The following MRPL48 variants were observed in gnomAD, a reference collection of about 807,000 sequenced individuals.
The protein encoded by MRPL48 is large ribosomal subunit protein mL48.
Under a neutral mutation model 32.9 loss-of-function variants are expected in MRPL48, and 16 were observed. The observed-to-expected ratio is 0.49, with a 90% CI of 0.33 to 0.74. MRPL48 has a LOEUF of 0.74. Ranked by LOEUF, MRPL48 falls within the 30% of genes least tolerant of loss-of-function variation. The probability of loss-of-function intolerance (pLI) is 0.02; values close to 1 mark genes in which losing one functional copy is unlikely to be tolerated. For synonymous variants in MRPL48, 94 were observed against 89.2 expected, an observed-to-expected ratio of 1.05 and a Z score of -0.31; for missense variants, 206 against 245.3, an observed-to-expected ratio of 0.84 and a Z score of 1.07.
intron 2 of MRPL48, among the ~76,000 whole-genome samples, 195 bp from the exon 3 acceptor site, chr11:73,808,118 T>G (rs1245391440): frequency 4.6e-5 from 7 of 152,192 alleles, no homozygotes; most frequent in Non-Finnish European, 1.0e-4. Context: ...GACATCTTAC[T>G]TATATTTGCA....
intron 7 of MRPL48, among the ~76,000 whole-genome samples, chr11:73,863,902 C>T (rs1948626023): frequency 6.6e-6 from 1 of 152,136 alleles, no homozygotes; most frequent in Admixed American, 6.6e-5. Context: ...GGGTTTCATA[C>T]AGATCTGGGG....
At chr11:73,818,317 G>A (rs1404839114) in intron 3 of MRPL48, among the ~76,000 whole-genome samples, 2 of 152,068 alleles carry the variant, frequency 1.3e-5, no homozygotes, top group Non-Finnish European at 2.9e-5. Flanking sequence ...ACAGATAGAA[G>A]TAAATATATA....
chr11:73,823,682 G>C (rs1209542999), intron 3 of MRPL48, among the ~76,000 whole-genome samples: 5 of 91,940 alleles, frequency 5.4e-5, no homozygotes, highest in African/African-American at 2.5e-4. Flanking sequence ...TTTTAATTTA[G>C]AGACAGGATC....
chr11:73,821,310 A>G (rs1307129076), intron 3 of MRPL48, among the ~76,000 whole-genome samples: 1 of 152,100 alleles, frequency 6.6e-6, no homozygotes, highest in African/African-American at 2.4e-5. Context: ...TTGTAATCTT[A>G]TATTTACTTT....
chr11:73,833,077 C>T (rs1053705804), intron 4 of MRPL48, among the ~76,000 whole-genome samples: 11 of 152,020 alleles, frequency 7.2e-5, no homozygotes, highest in African/African-American at 2.7e-4. Context: ...ATTTTAAAAA[C>T]AAAAAAGAAG....
intron 4 of MRPL48, among the ~76,000 whole-genome samples, chr11:73,835,570 G>A (rs1948085557): frequency 6.6e-6 from 1 of 152,102 alleles, no homozygotes; most frequent in African/African-American, 2.4e-5. Context: ...TAACAGTAAT[G>A]TCCTATCTAT....
chr11:73,846,572 C>A (rs550233704), intron 5 of MRPL48, among the ~76,000 whole-genome samples: 1 of 152,218 alleles, frequency 6.6e-6, no homozygotes, highest in East Asian at 1.9e-4. Context: ...GTTGGCCAGG[C>A]TGGTCTCGAA....
In MRPL48 at chr11:73,821,292, G is replaced by A. The variant is rs117227429; in HGVS notation, c.113-4416G>A. On this transcript the variant is annotated intron_variant, in intron 3 of 7. Transcript: ENST00000310614. ...TTACAGGCATGAACTACCACACCTG[G>A]CCACAATTTGTAATCTTATATTTAC... Among the ~76,000 whole-genome samples, 614 of 152,170 alleles carry A rather than the reference G, an allele frequency of 4.0e-3. 2 individuals carry two copies. Among genetic ancestry groups the A allele is most frequent in the Non-Finnish European group, 6.6e-3 (450 of 68,016 alleles).
At chr11:73,806,005 G>T (rs1947445291) in intron 2 of MRPL48, among the ~76,000 whole-genome samples, 1 of 151,884 alleles carries the variant, frequency 6.6e-6, no homozygotes, top group African/African-American at 2.4e-5. Flanking sequence ...AACCACTAGG[G>T]GCCAGCTCCT....
intron 5 of MRPL48, among the ~76,000 whole-genome samples, chr11:73,851,796 A>G (rs1948394760): frequency 6.7e-6 from 1 of 149,630 alleles, no homozygotes; most frequent in Admixed American, 6.7e-5. Flanking sequence ...TGCTAAATTA[A>G]TGAAAGTCCT....
chr11:73,854,353 G>T (rs1383944276), intron 5 of MRPL48, among the ~76,000 whole-genome samples: 2 of 152,142 alleles, frequency 1.3e-5, no homozygotes, highest in East Asian at 3.9e-4. Context: ...GCACGATCTC[G>T]GCTCACTGCA....
chr11:73,859,271 T>C (rs1948540227), intron 5 of MRPL48, among the ~76,000 whole-genome samples: 1 of 151,540 alleles, frequency 6.6e-6, no homozygotes, highest in African/African-American at 2.4e-5. Context: ...TTTTTCTTTT[T>C]CTTTTCTTTT....
chr11:73,860,890 C>T (rs1948575196), intron 6 of MRPL48, among the ~76,000 whole-genome samples: 1 of 152,138 alleles, frequency 6.6e-6, no homozygotes, highest in Non-Finnish European at 1.5e-5. Flanking sequence ...CGCCCTAACC[C>T]CTTGCAGCCA....
intron 3 of MRPL48, among the ~76,000 whole-genome samples, chr11:73,820,734 T>G (rs1339978533): frequency 3.2e-5 from 4 of 126,026 alleles, no homozygotes; most frequent in African/African-American, 7.5e-5. Flanking sequence ...TGTTTTTGAG[T>G]GGATAATATA....
intron 3 of MRPL48, among the ~76,000 whole-genome samples, chr11:73,819,505 T>G (rs1012106055): frequency 6.6e-6 from 1 of 152,200 alleles, no homozygotes; most frequent in Non-Finnish European, 1.5e-5. Flanking sequence ...TCACTATGAA[T>G]TAAACTCTTG....
chr11:73,802,617 C>T (rs1947379649), intron 1 of MRPL48, among the ~76,000 whole-genome samples: 1 of 152,092 alleles, frequency 6.6e-6, no homozygotes. Context: ...ATAATGTTTT[C>T]AAGATTCATC....
At chr11:73,833,534 A>G (rs1421292132) in intron 4 of MRPL48, among the ~76,000 whole-genome samples, 3 of 152,168 alleles carry the variant, frequency 2.0e-5, no homozygotes, top group Admixed American at 1.3e-4. Context: ...CCTCCTCAAG[A>G]TGAATAATAA....
At chr11:73,859,114 C>T (rs1249855978) in intron 5 of MRPL48, among the ~76,000 whole-genome samples, 1 of 152,114 alleles carries the variant, frequency 6.6e-6, no homozygotes, top group Non-Finnish European at 1.5e-5. Flanking sequence ...GCCCCTACAA[C>T]AAAGAATTAT....
At chr11:73,850,736 G>A (rs1248092850) in intron 5 of MRPL48, 2 of 213,892 alleles carry the variant, frequency 9.4e-6, no homozygotes, top group Non-Finnish European at 1.9e-5. Context: ...GAATGCAGCG[G>A]CGCGATCTCG....
Sources: gnomAD v4.1 joint callset for allele counts (sites outside exome capture counted in the v4.1 genomes callset) on GRCh38, gnomAD v4.1.1 for gene constraint, MANE v1.5 for transcripts, NCBI Gene and HGNC (gene_info 2026-07-23, HGNC 2026-07-21) for gene names.